The following KLRG1 variants were observed in gnomAD, a reference collection of about 807,000 sequenced individuals.
KLRG1 encodes killer cell lectin-like receptor subfamily G member 1.
A neutral mutation model predicts 21.8 loss-of-function variants in KLRG1; 16 were observed. That is an observed-to-expected ratio of 0.73 (90% CI 0.50 to 1.11). The LOEUF (loss-of-function observed/expected upper bound fraction) is 1.11. KLRG1 is among the 50% of genes most tolerant of loss of function. The probability of loss-of-function intolerance (pLI) is 0.00; values close to 1 mark genes in which losing one functional copy is unlikely to be tolerated. For missense variants in KLRG1, 173 were observed against 218.3 expected, an observed-to-expected ratio of 0.79 and a Z score of 1.31; for synonymous variants, 69 against 75.9, an observed-to-expected ratio of 0.91 and a Z score of 0.47.
chr12:9,050,413 A>G, the KLRG1 span, among the ~76,000 whole-genome samples: 1 of 152,204 alleles, frequency 6.6e-6, no homozygotes, highest in Non-Finnish European at 1.5e-5. Context: ...GCTTGCTATC[A>G]TGCCCCATGC....
the KLRG1 span, among the ~76,000 whole-genome samples, chr12:9,158,752 C>CTTTT: frequency 5.4e-4 from 53 of 97,794 alleles, no homozygotes; most frequent in Non-Finnish European, 7.3e-4. Flanking sequence ...TTTTTCTTTT[C>CTTTT]TTTTCTTTTT....
At chr12:9,115,809 A>G in the KLRG1 span, 1 of 1,613,574 alleles carries the variant, frequency 6.2e-7, no homozygotes, top group African/African-American at 1.3e-5. Context: ...GACCAAGAGG[A>G]GAAGAACCAG....
the KLRG1 span, chr12:9,112,724 G>A: frequency 1.7e-6 from 1 of 594,034 alleles, no homozygotes; most frequent in Non-Finnish European, 3.0e-6. Context: ...AGGACACAAG[G>A]TGGAGGAAAA....
At chr12:9,184,225 G>A in the KLRG1 span, among the ~76,000 whole-genome samples, 1 of 152,188 alleles carries the variant, frequency 6.6e-6, no homozygotes, top group Non-Finnish European at 1.5e-5. Flanking sequence ...TGACATCAGA[G>A]CATTGGCAGG....
In KLRG1 at chr12:8,978,691, T is replaced by TC. The variant is rs1315656899; in HGVS notation, c.-155-13515_-155-13514insC. Among the ~76,000 whole-genome samples the TC allele has an allele frequency of 2.2e-5, 3 of 139,520 alleles. No individual in the cohort carries two copies. The East Asian group carries it at 6.1e-4, about 29-fold the overall frequency. 91.5% of individuals were successfully genotyped at this position (139,520 alleles called of 152,430 possible). A position where few individuals can be genotyped will look rare whatever the true frequency, so the allele number is the denominator to read the frequency against. The stretch of plus-strand genomic sequence containing the variant: ...TTCTTTCTTTCTTTCTTTCTTTCTT[T>TC]TTCTTTCTTTTCTCTCTCTCTCTTC... On this transcript the variant is annotated intron_variant, in intron 1 of 4. Transcript: ENST00000539240.
chr12:9,106,637 T>C, the KLRG1 span: 1 of 1,159,508 alleles, frequency 8.6e-7, no homozygotes, highest in East Asian at 2.6e-5. Context: ...TACAAAAATA[T>C]AATGCATATT....
intron 1 of KLRG1, chr12:8,990,254 A>G (rs1438029970): frequency 1.3e-5 from 2 of 152,030 alleles, no homozygotes; most frequent in East Asian, 3.9e-4. Context: ...GTATCAAGAA[A>G]CTACAGATAA....
chr12:9,202,298 C>T, the KLRG1 span: 1 of 1,604,476 alleles, frequency 6.2e-7, no homozygotes, highest in Non-Finnish European at 8.5e-7. Context: ...ACAACCCAAA[C>T]CACAGATAGT....
the KLRG1 span, among the ~76,000 whole-genome samples, chr12:9,198,100 C>T: frequency 2.0e-5 from 3 of 149,936 alleles, no homozygotes; most frequent in Admixed American, 2.0e-4. Flanking sequence ...TGCCTGCAAC[C>T]CCAACACTTT....
chr12:9,194,676 G>A, the KLRG1 span, among the ~76,000 whole-genome samples: 1 of 152,064 alleles, frequency 6.6e-6, no homozygotes, highest in African/African-American at 2.4e-5. Flanking sequence ...ATGTTAGCCA[G>A]GATGGTCTCG....
the KLRG1 span, among the ~76,000 whole-genome samples, chr12:9,207,972 C>T: frequency 6.6e-6 from 1 of 152,136 alleles, no homozygotes; most frequent in Admixed American, 6.5e-5. Context: ...TATTCAGTGC[C>T]TTCCATCCAA....
At chr12:9,056,852 C>T in the KLRG1 span, among the ~76,000 whole-genome samples, 1 of 152,210 alleles carries the variant, frequency 6.6e-6, no homozygotes, top group African/African-American at 2.4e-5. Flanking sequence ...TGTGCCCAGC[C>T]TCTTCATTTG....
At chr12:9,083,668 C>A in the KLRG1 span, among the ~76,000 whole-genome samples, 1 of 150,712 alleles carries the variant, frequency 6.6e-6, no homozygotes, top group Non-Finnish European at 1.5e-5. Flanking sequence ...GAAATCAAAC[C>A]TTTGCATTAA....
At chr12:9,086,254 C>T in the KLRG1 span, among the ~76,000 whole-genome samples, 1 of 152,118 alleles carries the variant, frequency 6.6e-6, no homozygotes, top group Non-Finnish European at 1.5e-5. Context: ...AAAATACTAG[C>T]ATAGCAGCTA....
At chr12:9,155,283 A>T in the KLRG1 span, among the ~76,000 whole-genome samples, 3 of 151,746 alleles carry the variant, frequency 2.0e-5, no homozygotes, top group Non-Finnish European at 2.9e-5. Flanking sequence ...TGTTTGTTGT[A>T]CCTCTTTTCT....
At chr12:9,099,330 T>C in the KLRG1 span, 1 of 1,505,158 alleles carries the variant, frequency 6.6e-7, no homozygotes, top group Non-Finnish European at 9.1e-7. Flanking sequence ...ATGATAACAA[T>C]AGTAACTTCT....
chr12:9,213,162 G>A, the KLRG1 span, among the ~76,000 whole-genome samples: 1 of 152,088 alleles, frequency 6.6e-6, no homozygotes, highest in African/African-American at 2.4e-5. Context: ...CTTTACATGA[G>A]TGAACGATAT....
chr12:9,199,895 T>C, the KLRG1 span, among the ~76,000 whole-genome samples: 1 of 152,180 alleles, frequency 6.6e-6, no homozygotes, highest in Non-Finnish European at 1.5e-5. Context: ...AAAAGGTACT[T>C]AGGAGTCATA....
At chr12:9,026,379 A>G in the KLRG1 span, among the ~76,000 whole-genome samples, 2 of 152,264 alleles carry the variant, frequency 1.3e-5, no homozygotes, top group African/African-American at 4.8e-5. Context: ...AAAAATGTTA[A>G]TAGATACCAC....
Sources: allele counts gnomAD v4.1 joint callset (sites outside exome capture counted in the v4.1 genomes callset), GRCh38; gene constraint gnomAD v4.1.1; transcripts MANE v1.5; gene names NCBI Gene and HGNC (gene_info 2026-07-23, HGNC 2026-07-21).